Variants in TBC1D12 observed in about 807,000 individuals in gnomAD.
TBC1D12 encodes the protein TBC1 domain family member 12, also known as TBC1 domain family, member 12.
A neutral mutation model predicts 86.7 loss-of-function variants in TBC1D12; 56 were observed. That is an observed-to-expected ratio of 0.65 (90% confidence interval 0.52 to 0.81). The LOEUF is 0.81. TBC1D12 is among the 30% of genes least tolerant of loss of function. The pLI is 0.00. For synonymous variants in TBC1D12, 421 were observed against 411.7 expected (o/e 1.02, Z -0.27); for missense variants, 1,023 against 1,038.8 (o/e 0.98, Z 0.21).
chr10:94,512,760 A>G (rs935080235), intron 9 of TBC1D12, among the ~76,000 whole-genome samples: 2 of 152,344 alleles, frequency 1.3e-5, no homozygotes, highest in Middle Eastern at 3.4e-3. Flanking sequence ...GATAGTCCTT[A>G]TAGAGAAAGT....
At chr10:94,520,912 C>A (rs937680264) in intron 9 of TBC1D12, among the ~76,000 whole-genome samples, 5 of 152,186 alleles carry the variant, frequency 3.3e-5, no homozygotes, top group Non-Finnish European at 7.3e-5. Context: ...CCGCCCGCCT[C>A]GGCCTCCCAA....
intron 11 of TBC1D12, among the ~76,000 whole-genome samples, chr10:94,529,660 A>G (rs79679855): frequency 0.022 from 3,336 of 152,296 alleles, 125 homozygotes; most frequent in African/African-American, 0.074. Flanking sequence ...CCGTCCCCCA[A>G]GAGCATTAGA....
chr10:94,487,640 C>T (rs1474193246), intron 3 of TBC1D12, among the ~76,000 whole-genome samples: 3 of 150,506 alleles, frequency 2.0e-5, no homozygotes, highest in African/African-American at 7.3e-5. Flanking sequence ...TTTGTTGTTT[C>T]ACTTTTTTAA....
intron 2 of TBC1D12, among the ~76,000 whole-genome samples, chr10:94,466,003 G>C (rs866648900): frequency 6.6e-6 from 1 of 151,214 alleles, no homozygotes; most frequent in Non-Finnish European, 1.5e-5. Flanking sequence ...GTTTTTATCT[G>C]ACTTTATTAG....
At chr10:94,450,105 A>G (rs1200271120) in intron 2 of TBC1D12, among the ~76,000 whole-genome samples, 1 of 152,144 alleles carries the variant, frequency 6.6e-6, no homozygotes, top group Non-Finnish European at 1.5e-5. Flanking sequence ...GCTTATTTCC[A>G]TGAATTCTTT....
intron 2 of TBC1D12, among the ~76,000 whole-genome samples, chr10:94,457,584 T>C (rs1028621739): frequency 2.6e-5 from 4 of 152,172 alleles, no homozygotes; most frequent in African/African-American, 9.7e-5. Context: ...TTGGCCTCTC[T>C]GTGTTTTAAT....
intron 3 of TBC1D12, among the ~76,000 whole-genome samples, chr10:94,487,062 C>G (rs143831502): frequency 6.6e-6 from 1 of 151,786 alleles, no homozygotes; most frequent in South Asian, 2.1e-4. Context: ...ATATAATGAC[C>G]TTCTTTGTCT....
chr10:94,426,207 G>T (rs2134068724), intron 1 of TBC1D12, among the ~76,000 whole-genome samples: 1 of 152,182 alleles, frequency 6.6e-6, no homozygotes, highest in East Asian at 1.9e-4. Flanking sequence ...AAAGGGAATG[G>T]CAAAAGTGGA....
intron 6 of TBC1D12, among the ~76,000 whole-genome samples, chr10:94,502,450 A>G (rs2056409933): frequency 6.6e-6 from 1 of 152,164 alleles, no homozygotes. Flanking sequence ...CATGTCTGTA[A>G]TCCCAGCACT....
rs761302886 is a variant in TBC1D12 at position 94,402,971 on chromosome 10, G to T, written c.358G>T (p.Ala120Ser). 2.5e-6 allele frequency: 4 copies of T among 1,575,220 alleles called. No individual in the cohort carries two copies. The African/African-American group carries it at 5.7e-5, about 22-fold the overall frequency. The change falls in exon 1 of 13, where the codon GCG (alanine) becomes TCG (serine). Residue 120 changes from alanine to serine, a missense_variant. Around this residue, in one of 2 missense-constraint regions of TBC1D12, gnomAD observed 628 missense variants for 531.1 expected, o/e 1.18. Coordinates refer to ENST00000225235, the MANE Select transcript of TBC1D12 (RefSeq NM_015188.2). The part of the protein sequence containing the change: ...LLGSGSKHRG[A>S]EVADGRAPRH... ...GGGCTCGGGCTCCAAACACCGCGGC[G>T]CGGAGGTGGCTGATGGCCGCGCGCC...
At chr10:94,489,562 T>C (rs1317264992) in intron 3 of TBC1D12, among the ~76,000 whole-genome samples, 1 of 152,222 alleles carries the variant, frequency 6.6e-6, no homozygotes, top group Non-Finnish European at 1.5e-5. Flanking sequence ...GGTGGACAAC[T>C]GGTGCAGGCT....
intron 2 of TBC1D12, among the ~76,000 whole-genome samples, chr10:94,470,710 T>A (rs1321184846): frequency 2.9e-5 from 4 of 139,696 alleles, no homozygotes; most frequent in Admixed American, 7.1e-5. Flanking sequence ...TTTTTTTTTT[T>A]ACTTTTTTTT....
In TBC1D12 at chr10:94,462,258, T is replaced by A. The variant is rs193055977; in HGVS notation, c.1096-12410T>A. 1.1e-4 allele frequency among the ~76,000 whole-genome samples: 17 copies of A among 152,346 alleles called. 1 individual carries two copies. Among genetic ancestry groups the A allele is most frequent in the Admixed American group, 9.8e-4 (15 of 15,306 alleles). On this transcript the variant is annotated intron_variant, in intron 2 of 12. Transcript: ENST00000225235. Reference sequence around the variant, plus strand: ...GACAGAATTTACCAGTGAAATAATTTAAGCCAAGGTTTCTCAACCTCAGCA... The same window carrying A: ...GACAGAATTTACCAGTGAAATAATTAAAGCCAAGGTTTCTCAACCTCAGCA...
At chr10:94,480,057 C>T (rs1481224011) in intron 3 of TBC1D12, among the ~76,000 whole-genome samples, 1 of 152,212 alleles carries the variant, frequency 6.6e-6, no homozygotes, top group African/African-American at 2.4e-5. Context: ...CTGACCTCTA[C>T]ATACCTCTAC....
chr10:94,499,641 C>T (rs2056369754), intron 5 of TBC1D12, among the ~76,000 whole-genome samples: 1 of 152,196 alleles, frequency 6.6e-6, no homozygotes, highest in Admixed American at 6.5e-5. Context: ...TTATCTGAGG[C>T]ACTTTACATA....
intron 6 of TBC1D12, among the ~76,000 whole-genome samples, chr10:94,505,819 A>G (rs935557497): frequency 2.0e-5 from 3 of 152,300 alleles, no homozygotes; most frequent in South Asian, 2.1e-4. Flanking sequence ...AAGCAAATCT[A>G]TATCTACTAA....
chr10:94,444,079 A>G (rs938644909), intron 2 of TBC1D12, among the ~76,000 whole-genome samples: 4 of 151,736 alleles, frequency 2.6e-5, no homozygotes, highest in African/African-American at 9.7e-5. Flanking sequence ...ATGAGACAGG[A>G]GAATCGCTTG....
At chr10:94,513,697 G>A (rs762523771) in intron 9 of TBC1D12, among the ~76,000 whole-genome samples, 6 of 151,900 alleles carry the variant, frequency 3.9e-5, no homozygotes, top group Admixed American at 2.6e-4. Context: ...CCAGGTAGCT[G>A]GGACTGCAGG....
At chr10:94,474,978 G>A (rs892168461) in intron 3 of TBC1D12, among the ~76,000 whole-genome samples, 195 bp downstream of exon 3, 11 of 152,156 alleles carry the variant, frequency 7.2e-5, no homozygotes, top group African/African-American at 2.7e-4. Flanking sequence ...TTTAGAGACA[G>A]GGTCTTGCTA....
Sources: gnomAD v4.1 joint callset for allele counts (sites outside exome capture counted in the v4.1 genomes callset) on GRCh38, gnomAD v4.1.1 for gene constraint, gnomAD v4.1.1 regional missense constraint, MANE v1.5 for transcripts, NCBI Gene and HGNC (gene_info 2026-07-23, HGNC 2026-07-21) for gene names.